Variants in KNTC1 observed in about 807,000 individuals in gnomAD.
KNTC1 encodes kinetochore associated 1, also known as kinetochore-associated protein 1.
KNTC1 carries 253 observed loss-of-function variants against 314.4 expected under a neutral mutation model. The ratio of observed to expected loss-of-function variants is 0.80; its 90% confidence interval spans 0.73 to 0.89. KNTC1 has a LOEUF of 0.89. Among genes scored for constraint, KNTC1 ranks in the 40% least tolerant of loss-of-function variants. KNTC1 has a pLI of 0.00. For synonymous variants in KNTC1, 901 were observed against 901.4 expected (o/e 1.00, Z 0.01); for missense variants, 2,475 against 2,572.9 (o/e 0.96, Z 0.82).
chr12:122,613,845 T>G, intron 55 of KNTC1, 84 bp downstream of exon 55: 1 of 1,363,250 alleles, frequency 7.3e-7, no homozygotes, highest in South Asian at 1.6e-5. Flanking sequence ...GTCTTTTTGT[T>G]GTTGTTGTTG....
chr12:122,538,018 C>T (rs1961981626), intron 3 of KNTC1, among the ~76,000 whole-genome samples: 1 of 152,080 alleles, frequency 6.6e-6, no homozygotes, highest in African/African-American at 2.4e-5. Flanking sequence ...CCTGTGGTCC[C>T]AGCTACCTGG....
chr12:122,604,681 T>G, intron 49 of KNTC1, 44 bp downstream of exon 49: 2 of 1,371,538 alleles, frequency 1.5e-6, no homozygotes, highest in Admixed American at 3.5e-5. Context: ...TCTTCCTAAT[T>G]AAATTGTACT....
intron 40 of KNTC1, among the ~76,000 whole-genome samples, chr12:122,589,308 C>A (rs1320849508): frequency 6.6e-6 from 1 of 151,594 alleles, no homozygotes; most frequent in Admixed American, 6.6e-5. Flanking sequence ...TTTTCCATTA[C>A]CCTTTATTTT....
At chr12:122,586,142 G>A (rs1441020556) in intron 37 of KNTC1, among the ~76,000 whole-genome samples, 1 of 152,178 alleles carries the variant, frequency 6.6e-6, no homozygotes, top group African/African-American at 2.4e-5. Flanking sequence ...GAGTGCAGTG[G>A]CATGATCTCA....
intron 30 of KNTC1, among the ~76,000 whole-genome samples, chr12:122,577,456 A>G (rs1447631883): frequency 6.6e-6 from 1 of 152,196 alleles, no homozygotes; most frequent in Non-Finnish European, 1.5e-5. Context: ...GCAAACCACC[A>G]TGGCACATGT....
intron 3 of KNTC1, among the ~76,000 whole-genome samples, chr12:122,536,241 T>G (rs1961817451): frequency 6.6e-6 from 1 of 151,312 alleles, no homozygotes; most frequent in Admixed American, 6.6e-5. Context: ...ATTTTTTTTT[T>G]TTTTGAGATG....
At position 122,546,664 on chromosome 12, in the gene KNTC1, T is replaced by A; in HGVS notation, c.806T>A (p.Leu269His). ...FQLIDNLLFV[L>H]DTDNVLSLWD... ...CTGATAGACAATCTACTTTTTGTTC[T>A]TGATACTGATGTATGTTTCTTGTTT... Residue 269 changes from leucine (L) to histidine (H), a missense_variant, in exon 10 of 64, where the codon CTT becomes CAT. Transcript: ENST00000333479. 6.4e-7 allele frequency: 1 copy of A among 1,574,276 alleles called. No individual in the cohort carries two copies. The highest frequency in any genetic ancestry group is 8.7e-7 in the Non-Finnish European group (1 of 1,152,650).
intron 59 of KNTC1, among the ~76,000 whole-genome samples, chr12:122,619,373 T>G (rs1036991192): frequency 6.6e-6 from 1 of 151,156 alleles, no homozygotes; most frequent in Non-Finnish European, 1.5e-5. Context: ...CCTCCCAAAT[T>G]GCTGGGATTA....
intron 13 of KNTC1, among the ~76,000 whole-genome samples, chr12:122,550,113 T>C (rs1048395738): frequency 9.9e-5 from 15 of 152,032 alleles, no homozygotes; most frequent in Non-Finnish European, 1.2e-4. Context: ...TATTCTTCTT[T>C]CTTGTGTCTC....
At chr12:122,565,456 T>A (rs1181897204) in intron 20 of KNTC1, among the ~76,000 whole-genome samples, 1 of 151,930 alleles carries the variant, frequency 6.6e-6, no homozygotes, top group Non-Finnish European at 1.5e-5. Flanking sequence ...TAAAGTTCTT[T>A]GTGGGTATTT....
Position 122,587,751 on chromosome 12 carries a change from C to G in KNTC1, c.3771C>G (p.Ala1257=), listed in dbSNP as rs1869572993. 2 of 1,613,732 alleles carry G rather than the reference C, an allele frequency of 1.2e-6. No homozygotes were observed. The highest frequency in any genetic ancestry group is 4.5e-5 in the East Asian group (2 of 44,874). Residue 1257 remains alanine (A), a synonymous_variant, in exon 39 of 64, where the codon GCC becomes GCG. Transcript: ENST00000333479. ...LVLPVINSIS[A]LLQNLQESSQ... ...TACCTGTTATAAATTCCATCTCTGC[C>G]CTGCTTCAGAATCTTCAGGAATCTA... is the stretch of plus-strand genomic sequence containing the variant.
At chr12:122,620,258 G>T in intron 59 of KNTC1, 1 of 310,946 alleles carries the variant, frequency 3.2e-6, no homozygotes, top group Non-Finnish European at 5.9e-6. Flanking sequence ...AATCATGATA[G>T]CAAACAGTAG....
At position 122,622,553 on chromosome 12, in the gene KNTC1, C is replaced by G. The variant is rs760448774; in HGVS notation, c.6461C>G (p.Ala2154Gly). Residue 2154 changes from alanine to glycine, a missense_variant, in exon 62 of 64, where the codon GCG (alanine) becomes GGG (glycine). Physicochemically the swap from Ala to Gly is moderately conservative, Grantham distance 60. Transcript: ENST00000333479. ...TKYFQMLKMH[A>G]MNTNNITELV... ...TACTTTCAAATGTTGAAGATGCATG[C>G]GATGAATACCAACAATATCACTGAG... 5.7e-6 allele frequency: 9 copies of G among 1,570,908 alleles called. No homozygotes were observed. Among genetic ancestry groups the G allele is most frequent in the Non-Finnish European group, 6.9e-6 (8 of 1,156,870 alleles).
Position 122,536,658 on chromosome 12 carries a change from T to C in KNTC1, c.251-1681T>C, listed in dbSNP as rs547960886. Among the ~76,000 whole-genome samples, 6 of 151,228 alleles carry C rather than the reference T, an allele frequency of 4.0e-5. No individual in the cohort carries two copies. In the East Asian group the frequency reaches 1.2e-3, roughly 30 times the overall value. On this transcript the variant is annotated intron_variant, in intron 3 of 63. Transcript: ENST00000333479. ...CCTCAGCCTCCCAAGTAGCTGGGAGTACAGGCGCCTGCCACCATGCCTGGT... is the reference window on the plus strand; with the variant it reads ...CCTCAGCCTCCCAAGTAGCTGGGAGCACAGGCGCCTGCCACCATGCCTGGT...
chr12:122,536,535 T>G (rs796190698), intron 3 of KNTC1, among the ~76,000 whole-genome samples: 1 of 150,076 alleles, frequency 6.7e-6, no homozygotes. Context: ...TTTTTTTTTT[T>G]CCCTGAGACA....
chr12:122,574,630 T>C (rs1964903076), intron 27 of KNTC1, among the ~76,000 whole-genome samples: 1 of 152,204 alleles, frequency 6.6e-6, no homozygotes, highest in African/African-American at 2.4e-5. Flanking sequence ...AGCTAATTTT[T>C]GTATTTTTTG....
chr12:122,580,461 A>G, intron 32 of KNTC1, 142 bp from the exon 33 acceptor site: 1 of 529,434 alleles, frequency 1.9e-6, no homozygotes, highest in Non-Finnish European at 3.4e-6. Context: ...TTTTGTACTT[A>G]GTTACTGTAT....
intron 54 of KNTC1, 108 bp from the exon 55 acceptor site, chr12:122,613,518 A>C (rs1873410415): frequency 2.9e-6 from 3 of 1,040,342 alleles, no homozygotes; most frequent in Non-Finnish European, 4.0e-6. Context: ...TGGAAGTCCA[A>C]AATGGACATT....
At chr12:122,621,382 G>A (rs1285726380) in intron 60 of KNTC1, among the ~76,000 whole-genome samples, 1 of 152,146 alleles carries the variant, frequency 6.6e-6, no homozygotes, top group East Asian at 1.9e-4. Flanking sequence ...TTTTTTGAGA[G>A]TCTCTGTCAC....
Sources: gnomAD v4.1 joint callset for allele counts (sites outside exome capture counted in the v4.1 genomes callset) on GRCh38, gnomAD v4.1.1 for gene constraint, MANE v1.5 for transcripts, NCBI Gene and HGNC (gene_info 2026-07-23, HGNC 2026-07-21) for gene names.